Variants in SPOCK1 observed in about 807,000 individuals in gnomAD.
The protein encoded by SPOCK1 is SPARC (osteonectin), cwcv and kazal like domains proteoglycan 1.
SPOCK1 carries 23 observed loss-of-function variants against 55.3 expected under a neutral mutation model. The ratio of observed to expected loss-of-function variants is 0.42; its 90% CI spans 0.30 to 0.59. The LOEUF is 0.59. SPOCK1 is among the 20% of genes least tolerant of loss of function. SPOCK1 has a pLI of 0.22. For synonymous variants in SPOCK1, 226 were observed against 221.0 expected, an observed-to-expected ratio of 1.02 and a Z score of -0.20; for missense variants, 499 against 552.5, an observed-to-expected ratio of 0.90 and a Z score of 0.97.
intron 2 of SPOCK1, among the ~76,000 whole-genome samples, chr5:137,376,238 G>A (rs557123280): frequency 5.3e-5 from 8 of 152,254 alleles, no homozygotes; most frequent in Non-Finnish European, 7.4e-5. Context: ...CCAGAGCCCT[G>A]GGTCTTTCTA....
At chr5:137,069,366 G>GTAC (rs912651415) in intron 5 of SPOCK1, among the ~76,000 whole-genome samples, 4 of 152,224 alleles carry the variant, frequency 2.6e-5, no homozygotes, top group Non-Finnish European at 4.4e-5. Context: ...TCAGTGCCTA[G>GTAC]TACGTGCCCA....
chr5:136,994,293 C>T (rs544813964), intron 6 of SPOCK1, among the ~76,000 whole-genome samples: 5 of 152,148 alleles, frequency 3.3e-5, no homozygotes, highest in Non-Finnish European at 5.9e-5. Context: ...CAGGAAACAA[C>T]ACTGAGAAAT....
chr5:137,094,690 G>A (rs1457839685), intron 5 of SPOCK1, among the ~76,000 whole-genome samples: 1 of 152,178 alleles, frequency 6.6e-6, no homozygotes, highest in African/African-American at 2.4e-5. Context: ...GGCTGCTGAA[G>A]ATTAAGGTGG....
intron 3 of SPOCK1, among the ~76,000 whole-genome samples, chr5:137,195,015 A>T (rs1755271158): frequency 6.6e-6 from 1 of 152,112 alleles, no homozygotes; most frequent in Non-Finnish European, 1.5e-5. Flanking sequence ...TTCCCTCCAC[A>T]TCCAACACGT....
intron 2 of SPOCK1, among the ~76,000 whole-genome samples, chr5:137,322,220 C>A (rs946394268): frequency 9.9e-5 from 15 of 151,900 alleles, no homozygotes; most frequent in African/African-American, 3.6e-4. Flanking sequence ...GTAGTCCCAG[C>A]TACTCAGGAG....
chr5:137,462,702 T>A (rs1753514454), intron 2 of SPOCK1, among the ~76,000 whole-genome samples: 1 of 152,238 alleles, frequency 6.6e-6, no homozygotes, highest in African/African-American at 2.4e-5. Context: ...TTAATAAATG[T>A]AAGCTATTGT....
intron 3 of SPOCK1, among the ~76,000 whole-genome samples, chr5:137,143,253 A>T (rs185984130): frequency 6.6e-6 from 1 of 152,318 alleles, no homozygotes; most frequent in East Asian, 1.9e-4. Flanking sequence ...GCCTAGGGTG[A>T]TGGGTGTCAA....
chr5:137,411,052 A>G (rs1302254418), intron 2 of SPOCK1, among the ~76,000 whole-genome samples: 1 of 152,210 alleles, frequency 6.6e-6, no homozygotes, highest in African/African-American at 2.4e-5. Context: ...GGTTCCAGCC[A>G]GAAGGTCTTT....
chr5:137,312,843 G>A (rs1176915144), intron 2 of SPOCK1, among the ~76,000 whole-genome samples: 3 of 152,214 alleles, frequency 2.0e-5, no homozygotes, highest in Non-Finnish European at 4.4e-5. Flanking sequence ...CCACTTGCAG[G>A]AGATTCCTTT....
Position 136,978,752 on chromosome 5 carries a change from C to T in SPOCK1, c.1222G>A (p.Asp408Asn), listed in dbSNP as rs753784842. 1.8e-4 allele frequency: 297 copies of T among 1,613,976 alleles called. 1 individual carries two copies. Among genetic ancestry groups the T allele is most frequent in the Non-Finnish European group, 1.2e-4 (141 of 1,180,006 alleles). Reference protein sequence around the residue: ...LEYERELGPKDKEGKLRVHTR... With the variant: ...LEYERELGPKNKEGKLRVHTR... ...TGCACCCTCAGCTTCCCCTCTTTGT[C>T]CTTTGGTCCCAGCTCCCGTTCATAT... The change falls in exon 11 of 11, where the codon GAC becomes AAC. Residue 408 changes from aspartate to asparagine, a missense_variant. Physicochemically the swap from Asp to Asn is conservative, Grantham distance 23 (BLOSUM62 1). Around this residue, in one of 3 missense-constraint regions of SPOCK1, gnomAD observed 83 missense variants for 87.5 expected, o/e 0.95. Coordinates refer to ENST00000394945, the MANE Select transcript of SPOCK1 (RefSeq NM_004598.4).
chr5:137,160,600 TATATATAATATATA>T (rs1401228477), intron 3 of SPOCK1, among the ~76,000 whole-genome samples: 1 of 58,794 alleles, frequency 1.7e-5, no homozygotes, highest in Non-Finnish European at 2.9e-5. Flanking sequence ...TATAATATAT[TATATATAATATATA>T]ATATATATTT....
intron 5 of SPOCK1, among the ~76,000 whole-genome samples, chr5:137,075,116 G>A (rs1396770897): frequency 2.0e-5 from 3 of 152,206 alleles, no homozygotes; most frequent in Non-Finnish European, 1.5e-5. Flanking sequence ...TGGGATTACA[G>A]GTGTGAGCCA....
At chr5:137,363,204 T>A (rs550044060) in intron 2 of SPOCK1, among the ~76,000 whole-genome samples, 5 of 152,162 alleles carry the variant, frequency 3.3e-5, no homozygotes, top group Admixed American at 1.3e-4. Context: ...CCTACCTAGC[T>A]CTCCCTCCCC....
chr5:137,267,946 T>C (rs912241109), intron 2 of SPOCK1, among the ~76,000 whole-genome samples: 1 of 152,260 alleles, frequency 6.6e-6, no homozygotes, highest in Non-Finnish European at 1.5e-5. Context: ...CCCTTTGTAG[T>C]TAATATTCAA....
chr5:137,317,600 C>T (rs534084320), intron 2 of SPOCK1, among the ~76,000 whole-genome samples: 51 of 152,292 alleles, frequency 3.3e-4, no homozygotes, highest in African/African-American at 1.2e-3. Context: ...CTTGGACACA[C>T]GTTTCAGGAA....
chr5:137,209,569 G>A (rs960297059), intron 3 of SPOCK1, among the ~76,000 whole-genome samples: 3 of 152,182 alleles, frequency 2.0e-5, no homozygotes, highest in Non-Finnish European at 2.9e-5. Context: ...TGTGACAGAT[G>A]AGAAGTCACT....
At chr5:136,995,956 T>C (rs183611591) in intron 6 of SPOCK1, among the ~76,000 whole-genome samples, 22 of 152,340 alleles carry the variant, frequency 1.4e-4, no homozygotes, top group African/African-American at 1.9e-4. Flanking sequence ...TTCAACCGAA[T>C]GGTCTGTATG....
intron 6 of SPOCK1, among the ~76,000 whole-genome samples, chr5:136,994,740 C>T (rs10477786): frequency 0.013 from 1,951 of 151,442 alleles, 51 homozygotes; most frequent in African/African-American, 0.045. Context: ...AGGCCAGGTG[C>T]GGTGGTTCAC....
At chr5:137,005,930 C>T (rs192256671) in intron 6 of SPOCK1, among the ~76,000 whole-genome samples, 72 of 152,224 alleles carry the variant, frequency 4.7e-4, no homozygotes, top group African/African-American at 6.3e-4. Context: ...GGACCGAGAA[C>T]GGTCAATACT....
Sources: allele counts gnomAD v4.1 joint callset (sites outside exome capture counted in the v4.1 genomes callset), GRCh38; gene constraint gnomAD v4.1.1; regional missense constraint gnomAD v4.1.1; transcripts MANE v1.5; gene names NCBI Gene and HGNC (gene_info 2026-07-23, HGNC 2026-07-21).